Variants in CEP20 observed in about 807,000 individuals in gnomAD.
CEP20 encodes FGFR1OP N-terminal like.
Under a neutral mutation model 20.0 loss-of-function variants are expected in CEP20, and 18 were observed. The observed-to-expected ratio is 0.90, with a 90% CI of 0.62 to 1.34. The LOEUF is 1.34. Among genes scored for constraint, CEP20 ranks in the 40% most tolerant of loss-of-function variants. The probability of loss-of-function intolerance (pLI) is 0.00; values close to 1 mark genes in which losing one functional copy is unlikely to be tolerated. For missense variants in CEP20, 215 were observed against 201.6 expected, an observed-to-expected ratio of 1.07 and a Z score of -0.40; for synonymous variants, 77 against 73.7, an observed-to-expected ratio of 1.04 and a Z score of -0.23.
chr16:15,874,700 G>A (rs1277881728), intron 3 of CEP20, among the ~76,000 whole-genome samples: 1 of 152,078 alleles, frequency 6.6e-6, no homozygotes, highest in African/African-American at 2.4e-5. Flanking sequence ...TTTGAGATAT[G>A]TATCTATTTA....
chr16:15,867,801 C>T (rs1264387547), intron 4 of CEP20, among the ~76,000 whole-genome samples: 4 of 151,832 alleles, frequency 2.6e-5, no homozygotes, highest in African/African-American at 7.2e-5. Flanking sequence ...GGTGAAACCC[C>T]GTGTCTCCTC....
chr16:15,872,695 G>A (rs2044850418), intron 4 of CEP20, among the ~76,000 whole-genome samples: 1 of 151,324 alleles, frequency 6.6e-6, no homozygotes, highest in African/African-American at 2.4e-5. Flanking sequence ...GCGACAGAGT[G>A]ACTAGAAAAA....
intron 2 of CEP20, among the ~76,000 whole-genome samples, chr16:15,881,677 G>T (rs1012292303): frequency 3.3e-5 from 5 of 151,706 alleles, no homozygotes; most frequent in African/African-American, 9.7e-5. Flanking sequence ...CAAGTCCAGG[G>T]GTAACCAGGA....
chr16:15,882,279 C>T (rs906193130), intron 2 of CEP20, among the ~76,000 whole-genome samples: 12 of 152,148 alleles, frequency 7.9e-5, no homozygotes, highest in Admixed American at 2.0e-4. Context: ...CGGTGGCTCA[C>T]GCCTGTAATC....
At chr16:15,882,123 T>C (rs1597006024) in intron 2 of CEP20, among the ~76,000 whole-genome samples, 1 of 152,166 alleles carries the variant, frequency 6.6e-6, no homozygotes, top group African/African-American at 2.4e-5. Context: ...TTCCCCACCC[T>C]TGGCCCCTGC....
intron 1 of CEP20, among the ~76,000 whole-genome samples, chr16:15,884,584 C>T (rs1974454): frequency 6.6e-6 from 1 of 151,998 alleles, no homozygotes; most frequent in Non-Finnish European, 1.5e-5. Flanking sequence ...TCACTGCAAC[C>T]TCTGCCTCCC....
chr16:15,882,517 ACT>A (rs2045123218), intron 2 of CEP20, among the ~76,000 whole-genome samples: 1 of 146,000 alleles, frequency 6.8e-6, no homozygotes, highest in Non-Finnish European at 1.5e-5. Flanking sequence ...ACAGAGCAAG[ACT>A]CTGTCTCAAA....
chr16:15,880,919 C>T (rs548253908), intron 2 of CEP20, among the ~76,000 whole-genome samples: 1 of 151,728 alleles, frequency 6.6e-6, no homozygotes, highest in South Asian at 2.1e-4. Context: ...CCATCACCCC[C>T]AGATGGGACC....
intron 4 of CEP20, among the ~76,000 whole-genome samples, chr16:15,871,048 AG>A (rs2044804860): frequency 6.6e-6 from 1 of 152,026 alleles, no homozygotes; most frequent in Non-Finnish European, 1.5e-5. Flanking sequence ...GGATTGCCTG[AG>A]GTCATGAGTT....
Position 15,882,774 on chromosome 16 carries a change from T to TACACACACACACACACA in CEP20, c.226+1233_226+1234insTGTGTGTGTGTGTGTGT, listed in dbSNP as rs879853404. Among the ~76,000 whole-genome samples, 78 of 68,594 alleles carry TACACACACACACACACA rather than the reference T, an allele frequency of 1.1e-3. 1 individual carries two copies. The East Asian group carries it at 0.023, about 20-fold the overall frequency. The allele number at this position is 68,594 out of a possible 152,430, so 45.0% of individuals were successfully genotyped here. A position where few individuals can be genotyped will look rare whatever the true frequency, so the allele number is the denominator to read the frequency against. ...ATCTATCTATCTATCTATCTATCTA[T>TACACACACACACACACA]CTATCTAGATACACACACACACACA... On this transcript the variant is annotated intron_variant, in intron 2 of 4. Coordinates refer to ENST00000255759, the MANE Select transcript of CEP20 (RefSeq NM_144600.4).
intron 3 of CEP20, among the ~76,000 whole-genome samples, chr16:15,876,688 G>A (rs1368419284): frequency 6.6e-6 from 1 of 152,120 alleles, no homozygotes; most frequent in African/African-American, 2.4e-5. Context: ...CAGCACTGCA[G>A]ATCTGTAAGT....
At chr16:15,888,536 A>G (rs766198527) in intron 1 of CEP20, 22 bp downstream of exon 1, 10 of 1,614,060 alleles carry the variant, frequency 6.2e-6, no homozygotes, top group Admixed American at 1.7e-5. Flanking sequence ...TCCCATGTGG[A>G]GGCCTCCCTG....
intron 3 of CEP20, among the ~76,000 whole-genome samples, chr16:15,877,804 C>A (rs2044991762): frequency 2.0e-5 from 3 of 151,414 alleles, no homozygotes; most frequent in African/African-American, 7.3e-5. Context: ...AAAAACCTCA[C>A]AGCACTTTGG....
At chr16:15,886,484 T>C (rs2045251194) in intron 1 of CEP20, among the ~76,000 whole-genome samples, 2 of 152,192 alleles carry the variant, frequency 1.3e-5, no homozygotes, top group East Asian at 3.8e-4. Flanking sequence ...TGGAGAGATT[T>C]TGTCACTGGC....
rs550612287 is a variant in CEP20 at position 15,888,068 on chromosome 16, CCT to C, written c.28+488_28+489del. Among the ~76,000 whole-genome samples, 654 of 140,482 alleles carry C rather than the reference CCT, an allele frequency of 4.7e-3. 3 individuals are homozygous for C. Among genetic ancestry groups the C allele is most frequent in the Non-Finnish European group, 6.4e-3 (417 of 65,220 alleles). 92.2% of individuals were successfully genotyped at this position (140,482 alleles called of 152,430 possible). A position where few individuals can be genotyped will look rare whatever the true frequency, so the allele number is the denominator to read the frequency against. On this transcript the variant is annotated intron_variant, in intron 1 of 4. Coordinates refer to ENST00000255759, the MANE Select transcript of CEP20 (RefSeq NM_144600.4). ...ACTCCAGCCTGGGCGACAGAGAGAC[CCT>C]CTCTTTAAAAAAAAAAAAAAAAAGC...
At chr16:15,878,069 G>GA (rs1310254571) in intron 3 of CEP20, among the ~76,000 whole-genome samples, 40 of 138,002 alleles carry the variant, frequency 2.9e-4, no homozygotes, top group South Asian at 6.9e-4. Context: ...AAGGAAAAAA[G>GA]AAAAAAAAAA....
intron 3 of CEP20, among the ~76,000 whole-genome samples, chr16:15,879,376 G>C (rs2045044706): frequency 6.6e-6 from 1 of 152,144 alleles, no homozygotes; most frequent in Non-Finnish European, 1.5e-5. Flanking sequence ...GCCAGGCATG[G>C]AGGGCTCACA....
intron 2 of CEP20, 100 bp downstream of exon 2, chr16:15,883,908 G>C: frequency 2.0e-6 from 2 of 993,462 alleles, no homozygotes. Context: ...CACCCAGATG[G>C]CACTATCTGG....
chr16:15,874,194 T>G (rs2151423132), intron 3 of CEP20, among the ~76,000 whole-genome samples: 1 of 152,306 alleles, frequency 6.6e-6, no homozygotes, highest in Middle Eastern at 3.4e-3. Context: ...ACTAAATGAG[T>G]TAATAAATGT....
Sources: allele counts gnomAD v4.1 joint callset (sites outside exome capture counted in the v4.1 genomes callset), GRCh38; gene constraint gnomAD v4.1.1; transcripts MANE v1.5; gene names NCBI Gene and HGNC (gene_info 2026-07-23, HGNC 2026-07-21).